Variants in OTOGL observed in about 807,000 individuals in gnomAD.
OTOGL encodes otogelin like.
OTOGL carries 285 observed loss-of-function variants against 318.5 expected under a neutral mutation model. That is an observed-to-expected ratio of 0.89 (90% confidence interval 0.81 to 0.99). OTOGL has a LOEUF of 0.99. Ranked by LOEUF, OTOGL falls within the 50% of genes least tolerant of loss-of-function variation. The probability of loss-of-function intolerance (pLI) is 0.00; values close to 1 mark genes in which losing one functional copy is unlikely to be tolerated. For missense variants in OTOGL, 2,899 were observed against 2,845.6 expected (o/e 1.02, Z -0.43); for synonymous variants, 987 against 936.5 (o/e 1.05, Z -0.99).
At chr12:80,160,629 C>T (rs756804834) in intron 1 of OTOGL, among the ~76,000 whole-genome samples, 20 of 152,060 alleles carry the variant, frequency 1.3e-4, no homozygotes, top group Non-Finnish European at 2.2e-4. Flanking sequence ...TTCTACACTG[C>T]TGGTGGGAAT....
chr12:80,354,674 T>C (rs1889762602), intron 46 of OTOGL, among the ~76,000 whole-genome samples: 1 of 152,158 alleles, frequency 6.6e-6, no homozygotes, highest in African/African-American at 2.4e-5. Context: ...CAAGCCAGTG[T>C]TTGCCAATAT....
chr12:80,320,858 C>G (rs1169481514), intron 34 of OTOGL, among the ~76,000 whole-genome samples, 158 bp downstream of exon 34: 1 of 152,124 alleles, frequency 6.6e-6, no homozygotes, highest in Non-Finnish European at 1.5e-5. Context: ...CTCTATATCT[C>G]CAATATACGT....
intron 7 of OTOGL, among the ~76,000 whole-genome samples, chr12:80,224,754 G>T (rs1878671331): frequency 6.6e-6 from 1 of 152,044 alleles, no homozygotes; most frequent in African/African-American, 2.4e-5. Flanking sequence ...ACTGATTTGT[G>T]TAGATTAATT....
At chr12:80,186,828 T>C (rs187988632) in intron 1 of OTOGL, among the ~76,000 whole-genome samples, 235 of 152,172 alleles carry the variant, frequency 1.5e-3, no homozygotes, top group African/African-American at 5.3e-3. Context: ...ACCCATGGAG[T>C]GCTGCCCTCT....
intron 37 of OTOGL, among the ~76,000 whole-genome samples, chr12:80,329,860 C>T (rs1887960327): frequency 6.6e-6 from 1 of 152,148 alleles, no homozygotes; most frequent in African/African-American, 2.4e-5. Flanking sequence ...AGTCACAGCC[C>T]CTACCCTAAA....
intron 26 of OTOGL, among the ~76,000 whole-genome samples, chr12:80,291,617 A>C (rs997634342): frequency 5.9e-5 from 9 of 152,216 alleles, no homozygotes; most frequent in Non-Finnish European, 1.0e-4. Context: ...TTGCATAAAC[A>C]AGGTGTCAGG....
intron 35 of OTOGL, among the ~76,000 whole-genome samples, chr12:80,328,316 CACAA>C (rs895727201): frequency 1.8e-5 from 2 of 110,118 alleles, no homozygotes; most frequent in Non-Finnish European, 3.5e-5. Flanking sequence ...GAGACCCTGT[CACAA>C]ACAACAACAA....
intron 1 of OTOGL, among the ~76,000 whole-genome samples, chr12:80,119,597 C>G (rs1402891983): frequency 2.6e-5 from 4 of 152,190 alleles, no homozygotes. Context: ...GTGCCTAATG[C>G]CCTTAACTTG....
At chr12:80,112,238 T>C (rs1274329558) in intron 1 of OTOGL, among the ~76,000 whole-genome samples, 1 of 152,086 alleles carries the variant, frequency 6.6e-6, no homozygotes, top group Non-Finnish European at 1.5e-5. Flanking sequence ...TACCTTTTAT[T>C]TTCTGTTGCC....
At chr12:80,323,340 G>A (rs758400769) in intron 34 of OTOGL, among the ~76,000 whole-genome samples, 2 of 152,160 alleles carry the variant, frequency 1.3e-5, no homozygotes, top group Admixed American at 6.5e-5. Context: ...ACCCTAGGAG[G>A]GTTCATATAA....
chr12:80,219,518 G>A (rs11114354), intron 5 of OTOGL, among the ~76,000 whole-genome samples: 55,122 of 152,016 alleles, frequency 0.36, 11,918 homozygotes, highest in Admixed American at 0.5. Context: ...TCATCATCTG[G>A]GACAGAGATT....
At position 80,254,719 on chromosome 12, in the gene OTOGL, T is replaced by C. The variant is rs1024342966; in HGVS notation, c.1441+149T>C. ...ATTACTCAGAGGATACATGGAAAAT[T>C]GAACAAGTGATAGCATTGAGTGGGC... On this transcript the variant is annotated intron_variant, in intron 15 of 58. Transcript: ENST00000547103. 4.6e-6 allele frequency: 3 copies of C among 655,826 alleles called. No homozygotes were observed. In the African/African-American group the frequency reaches 5.5e-5, roughly 12 times the overall value. The allele number at this position is 655,826 out of a possible 1,614,324, so 40.6% of individuals were successfully genotyped here.
chr12:80,286,711 T>C (rs577676436), intron 26 of OTOGL, among the ~76,000 whole-genome samples: 1 of 152,308 alleles, frequency 6.6e-6, no homozygotes, highest in East Asian at 1.9e-4. Context: ...GTGTGATCAG[T>C]GGTGATCTCC....
intron 22 of OTOGL, among the ~76,000 whole-genome samples, chr12:80,267,883 A>G (rs1883117369): frequency 6.6e-6 from 1 of 152,004 alleles, no homozygotes; most frequent in South Asian, 2.1e-4. Context: ...TCACAGTGAA[A>G]TGAAAGTCCT....
chr12:80,136,502 A>C (rs1158082238), intron 1 of OTOGL, among the ~76,000 whole-genome samples: 1 of 152,138 alleles, frequency 6.6e-6, no homozygotes, highest in East Asian at 1.9e-4. Flanking sequence ...CGTGAAGTAC[A>C]CCTTATGATA....
chr12:80,221,839 T>C (rs1380566402), intron 6 of OTOGL, among the ~76,000 whole-genome samples: 1 of 152,202 alleles, frequency 6.6e-6, no homozygotes, highest in Non-Finnish European at 1.5e-5. Context: ...GAATCTTTCT[T>C]TGAAAACAAA....
chr12:80,191,531 A>G (rs1359081517), intron 1 of OTOGL, among the ~76,000 whole-genome samples: 1 of 152,238 alleles, frequency 6.6e-6, no homozygotes, highest in East Asian at 1.9e-4. Context: ...TAAACCATAT[A>G]CTGTATTTCT....
chr12:80,261,961 C>T lies in OTOGL; in HGVS notation c.1890-8C>T. Reference sequence around the variant, plus strand: ...TACATGAAGATGAGCATTGTCTTTGCTTTCTAGTTCTCCATCAGGCATGAT... The same window carrying T: ...TACATGAAGATGAGCATTGTCTTTGTTTTCTAGTTCTCCATCAGGCATGAT... On this transcript the variant is annotated splice_polypyrimidine_tract_variant and splice_region_variant and intron_variant, in intron 18 of 58. Coordinates refer to ENST00000547103, the MANE Select transcript of OTOGL (RefSeq NM_001378609.3). 1 of 1,609,104 alleles carries T rather than the reference C, an allele frequency of 6.2e-7. No homozygotes were observed. The highest frequency in any genetic ancestry group is 8.5e-7 in the Non-Finnish European group (1 of 1,177,306).
chr12:80,171,185 G>A (rs1193245785), intron 1 of OTOGL, among the ~76,000 whole-genome samples: 8 of 151,942 alleles, frequency 5.3e-5, no homozygotes, highest in African/African-American at 1.7e-4. Context: ...TGATCCTCAC[G>A]CCTTAGTCTC....
Sources: allele counts gnomAD v4.1 joint callset (sites outside exome capture counted in the v4.1 genomes callset), GRCh38; gene constraint gnomAD v4.1.1; transcripts MANE v1.5; gene names NCBI Gene and HGNC (gene_info 2026-07-23, HGNC 2026-07-21).